Variants in GLIS3 observed in about 807,000 individuals in gnomAD.
GLIS3 encodes the protein GLIS family zinc finger 3.
Under a neutral mutation model 78.6 loss-of-function variants are expected in GLIS3, and 53 were observed. That is an observed-to-expected ratio of 0.67 (90% CI 0.54 to 0.85). GLIS3 has a LOEUF of 0.85. GLIS3 is among the 40% of genes least tolerant of loss of function. The pLI is 0.00. For synonymous variants in GLIS3, 684 were observed against 509.9 expected (o/e 1.34, Z -4.60); for missense variants, 1,703 against 1,231.1 (o/e 1.38, Z -5.74).
intron 6 of GLIS3, among the ~76,000 whole-genome samples, chr9:3,922,395 A>G (rs1057507374): frequency 6.6e-6 from 1 of 152,246 alleles, no homozygotes; most frequent in Admixed American, 6.5e-5. Flanking sequence ...CATCTCTGAA[A>G]TCAAGACAAG....
At chr9:3,965,350 C>T (rs1461489474) in intron 4 of GLIS3, among the ~76,000 whole-genome samples, 3 of 151,926 alleles carry the variant, frequency 2.0e-5, no homozygotes, top group Admixed American at 2.0e-4. Context: ...CGAGCCACCA[C>T]TCCTGGCTAA....
chr9:3,864,009 T>C (rs935638784), intron 8 of GLIS3, among the ~76,000 whole-genome samples: 1 of 152,152 alleles, frequency 6.6e-6, no homozygotes, highest in African/African-American at 2.4e-5. Context: ...ACTCAGTTGT[T>C]TGTCTATTTC....
intron 4 of GLIS3, among the ~76,000 whole-genome samples, chr9:4,096,179 T>A (rs1434917587): frequency 6.6e-6 from 1 of 152,172 alleles, no homozygotes; most frequent in Admixed American, 6.5e-5. Flanking sequence ...AACAAAACTC[T>A]GAATCACCAA....
intron 4 of GLIS3, among the ~76,000 whole-genome samples, chr9:4,098,007 T>C (rs192390073): frequency 5.4e-4 from 83 of 152,334 alleles, no homozygotes; most frequent in Admixed American, 1.8e-3. Flanking sequence ...TCAGAAATAG[T>C]TCATAACTTT....
the GLIS3 span, among the ~76,000 whole-genome samples, chr9:4,423,621 T>A: frequency 1.3e-5 from 2 of 152,112 alleles, no homozygotes; most frequent in African/African-American, 4.8e-5. Flanking sequence ...GAAAAACCAA[T>A]AATTTCTAGA....
intron 4 of GLIS3, among the ~76,000 whole-genome samples, chr9:3,979,706 C>T (rs180774131): frequency 6.6e-6 from 1 of 152,310 alleles, no homozygotes; most frequent in African/African-American, 2.4e-5. Flanking sequence ...TTTTCCCCAA[C>T]ACTAGACTAT....
the GLIS3 span, among the ~76,000 whole-genome samples, chr9:4,399,901 G>T: frequency 6.6e-6 from 1 of 152,214 alleles, no homozygotes; most frequent in African/African-American, 2.4e-5. Flanking sequence ...AGAGAAAATA[G>T]TGTGAGGGCC....
chr9:3,970,405 A>G (rs547827783), intron 4 of GLIS3, among the ~76,000 whole-genome samples: 1 of 152,368 alleles, frequency 6.6e-6, no homozygotes, highest in Non-Finnish European at 1.5e-5. Flanking sequence ...TGGAACAGGA[A>G]GTCCAAAATG....
At chr9:4,385,202 C>T in the GLIS3 span, among the ~76,000 whole-genome samples, 3 of 152,090 alleles carry the variant, frequency 2.0e-5, no homozygotes, top group Non-Finnish European at 4.4e-5. Flanking sequence ...GCATTCCCTT[C>T]GATTTCCCAC....
chr9:4,291,159 A>C (rs1460077355), intron 1 of GLIS3, among the ~76,000 whole-genome samples: 2 of 152,176 alleles, frequency 1.3e-5, no homozygotes, highest in Non-Finnish European at 2.9e-5. Context: ...TGGTAATTCT[A>C]AGAATATGAA....
chr9:3,999,349 G>A (rs934385947), intron 4 of GLIS3, among the ~76,000 whole-genome samples: 1 of 152,054 alleles, frequency 6.6e-6, no homozygotes, highest in African/African-American at 2.4e-5. Flanking sequence ...TTCCCTCCAT[G>A]GAAGTTTTAA....
chr9:3,843,360 T>C (rs769939509), intron 9 of GLIS3, among the ~76,000 whole-genome samples: 3 of 152,214 alleles, frequency 2.0e-5, no homozygotes, highest in African/African-American at 4.8e-5. Flanking sequence ...CTATTATATA[T>C]GGTTAGGCTT....
chr9:3,888,292 A>C (rs932994969), intron 7 of GLIS3, among the ~76,000 whole-genome samples: 2 of 152,192 alleles, frequency 1.3e-5, no homozygotes, highest in Non-Finnish European at 2.9e-5. Context: ...TCATGCCTCA[A>C]CTATCTCCTA....
intron 4 of GLIS3, among the ~76,000 whole-genome samples, chr9:4,013,095 C>G (rs1434128767): frequency 1.3e-5 from 2 of 151,984 alleles, no homozygotes; most frequent in Non-Finnish European, 2.9e-5. Flanking sequence ...AATGTGGTAT[C>G]CTTTGGGCAT....
intron 2 of GLIS3, among the ~76,000 whole-genome samples, chr9:4,160,040 G>C (rs1012335876): frequency 3.3e-5 from 5 of 152,108 alleles, no homozygotes; most frequent in Admixed American, 6.5e-5. Flanking sequence ...TAATGCAAAC[G>C]AACTTTTCCA....
At chr9:4,087,899 T>G (rs1234060396) in intron 4 of GLIS3, among the ~76,000 whole-genome samples, 1 of 152,218 alleles carries the variant, frequency 6.6e-6, no homozygotes, top group Non-Finnish European at 1.5e-5. Context: ...CATACCTTGG[T>G]TACCTCACTT....
intron 6 of GLIS3, among the ~76,000 whole-genome samples, chr9:3,917,846 TG>T (rs1422117747): frequency 6.9e-4 from 105 of 152,294 alleles, no homozygotes; most frequent in Non-Finnish European, 2.5e-4. Flanking sequence ...TGACATATAA[TG>T]GGAGTGAAGT....
the GLIS3 span, among the ~76,000 whole-genome samples, chr9:4,418,146 C>G: frequency 1.3e-5 from 2 of 152,198 alleles, no homozygotes; most frequent in Admixed American, 6.5e-5. Flanking sequence ...TTAACAGTCA[C>G]TCATGAGCCA....
the GLIS3 span, among the ~76,000 whole-genome samples, chr9:4,462,081 A>T: frequency 1.9e-4 from 29 of 152,184 alleles, no homozygotes; most frequent in Non-Finnish European, 1.2e-4. Context: ...TTACAGAACA[A>T]TAATTCTCAG....
Sources: allele counts gnomAD v4.1 joint callset (sites outside exome capture counted in the v4.1 genomes callset), GRCh38; gene constraint gnomAD v4.1.1; transcripts MANE v1.5; gene names NCBI Gene and HGNC (gene_info 2026-07-23, HGNC 2026-07-21).